Variants in FMN1 observed in about 807,000 individuals in gnomAD.
FMN1 encodes formin 1, also known as formin-1.
Under a neutral mutation model 132.4 loss-of-function variants are expected in FMN1, and 110 were observed. The observed-to-expected ratio is 0.83, with a 90% CI of 0.71 to 0.97. The LOEUF (loss-of-function observed/expected upper bound fraction) is 0.97. FMN1 is among the 50% of genes least tolerant of loss of function. FMN1 has a pLI of 0.00. For synonymous variants in FMN1, 722 were observed against 651.7 expected, an observed-to-expected ratio of 1.11 and a Z score of -1.64; for missense variants, 1,792 against 1,705.3, an observed-to-expected ratio of 1.05 and a Z score of -0.90.
chr15:32,885,997 C>T (rs2059887594), intron 16 of FMN1, among the ~76,000 whole-genome samples: 1 of 152,094 alleles, frequency 6.6e-6, no homozygotes, highest in South Asian at 2.1e-4. Context: ...ATTATGTCCT[C>T]TTCAATTAAA....
chr15:33,095,279 C>T (rs1035978881), intron 4 of FMN1, among the ~76,000 whole-genome samples: 5 of 152,048 alleles, frequency 3.3e-5, no homozygotes, highest in Non-Finnish European at 7.4e-5. Flanking sequence ...ACCCGGGAGG[C>T]AGAGGTTGCA....
Position 33,172,164 on chromosome 15 carries a change from C to T in FMN1, c.-132+8034G>A, listed in dbSNP as rs184176536. ...CGGAGCTTGCAGTGAGCCGAGATCG[C>T]GCCACTGCACTCCAGACTGGGTGGC... On this transcript the variant is annotated intron_variant, in intron 3 of 20. Coordinates refer to ENST00000616417, the MANE Select transcript of FMN1 (RefSeq NM_001277313.2). Among the ~76,000 whole-genome samples the T allele has an allele frequency of 2.0e-3, 301 of 151,280 alleles. 2 individuals are homozygous for T. The highest frequency in any genetic ancestry group is 7.1e-3 in the African/African-American group (290 of 41,128).
chr15:32,968,638 C>G (rs565294192), intron 8 of FMN1, 76 bp downstream of exon 8: 2 of 1,587,040 alleles, frequency 1.3e-6, no homozygotes, highest in African/African-American at 1.3e-5. Context: ...GAGATATTGA[C>G]CCGGTAAGAA....
At chr15:33,165,483 C>T (rs986873511) in intron 3 of FMN1, among the ~76,000 whole-genome samples, 21 of 152,140 alleles carry the variant, frequency 1.4e-4, no homozygotes, top group Non-Finnish European at 2.5e-4. Flanking sequence ...CTCCGCCTCC[C>T]GGGTTCACGC....
At chr15:33,019,009 G>A (rs1596482826) in intron 6 of FMN1, among the ~76,000 whole-genome samples, 3 of 152,166 alleles carry the variant, frequency 2.0e-5, no homozygotes, top group East Asian at 1.9e-4. Flanking sequence ...CAGAGTTAAA[G>A]AACAAAGCTT....
chr15:32,834,326 T>G (rs1474754777), intron 17 of FMN1, among the ~76,000 whole-genome samples: 1 of 152,224 alleles, frequency 6.6e-6, no homozygotes, highest in Non-Finnish European at 1.5e-5. Flanking sequence ...TCTCACATGG[T>G]GTGTGGAACA....
chr15:33,002,545 A>G (rs2034177874), intron 7 of FMN1, among the ~76,000 whole-genome samples: 1 of 152,168 alleles, frequency 6.6e-6, no homozygotes, highest in African/African-American at 2.4e-5. Context: ...AGTATCACCC[A>G]GAGTACAGGG....
intron 11 of FMN1, 23 bp from the exon 12 acceptor site, chr15:32,908,601 A>G (rs1333753413): frequency 2.6e-6 from 3 of 1,143,496 alleles, no homozygotes; most frequent in Non-Finnish European, 2.5e-6. Context: ...AGAAAACAAA[A>G]CCAAAAAAAA....
chr15:32,860,484 T>C (rs747133478), intron 16 of FMN1, among the ~76,000 whole-genome samples: 10 of 151,924 alleles, frequency 6.6e-5, no homozygotes, highest in Non-Finnish European at 1.5e-4. Flanking sequence ...GAAACCCTGT[T>C]TCTACAAAAA....
At chr15:33,070,376 C>G (rs534707349) in intron 5 of FMN1, among the ~76,000 whole-genome samples, 1 of 134,562 alleles carries the variant, frequency 7.4e-6, no homozygotes, top group Non-Finnish European at 1.6e-5. Context: ...GGAGAGGGCA[C>G]GTATTTGGTC....
chr15:32,846,241 T>C lies in FMN1; in HGVS notation c.3928+10774A>G, dbSNP rs547218656. Reference sequence around the variant, plus strand: ...AGAAAAAAGTATTGCTTAATCTAATTAAACTAAACAGCTTCTGCACAACAA... The same window carrying C: ...AGAAAAAAGTATTGCTTAATCTAATCAAACTAAACAGCTTCTGCACAACAA... On this transcript the variant is annotated intron_variant, in intron 17 of 20. Transcript: ENST00000616417. Among the ~76,000 whole-genome samples the C allele has an allele frequency of 1.3e-3, 200 of 152,280 alleles. 1 individual carries two copies. Among genetic ancestry groups the C allele is most frequent in the African/African-American group, 4.6e-3 (190 of 41,556 alleles).
At chr15:32,924,443 T>C (rs543169871) in intron 10 of FMN1, among the ~76,000 whole-genome samples, 2 of 152,326 alleles carry the variant, frequency 1.3e-5, no homozygotes, top group South Asian at 2.1e-4. Context: ...TTAAGTGTCT[T>C]GTAGGTCAGG....
chr15:32,888,365 A>G lies in FMN1; in HGVS notation c.3715-73T>C, dbSNP rs1017013129. 4.5e-5 allele frequency: 61 copies of G among 1,367,934 alleles called. No homozygotes were observed. In the African/African-American group the frequency reaches 5.8e-4, roughly 13 times the overall value. The allele number at this position is 1,367,934 out of a possible 1,614,324, so 84.7% of individuals were successfully genotyped here. A position where few individuals can be genotyped will look rare whatever the true frequency, so the allele number is the denominator to read the frequency against. On this transcript the variant is annotated intron_variant, in intron 15 of 20. Transcript: ENST00000616417. Reference sequence around the variant, plus strand: ...TTTCAGTTGAAATTCCAAAGCATCAATGAGAAAAAAAAAAGCTTTTTTATT... The same window carrying G: ...TTTCAGTTGAAATTCCAAAGCATCAGTGAGAAAAAAAAAAGCTTTTTTATT...
At chr15:32,933,008 T>C (rs978040198) in intron 9 of FMN1, among the ~76,000 whole-genome samples, 2 of 152,188 alleles carry the variant, frequency 1.3e-5, no homozygotes, top group Non-Finnish European at 2.9e-5. Context: ...AAATCCTTAT[T>C]TCATTTCTTT....
chr15:32,841,447 C>T (rs2058743751), intron 17 of FMN1, among the ~76,000 whole-genome samples: 1 of 152,074 alleles, frequency 6.6e-6, no homozygotes, highest in Admixed American at 6.5e-5. Context: ...GGGAACATAA[C>T]ATTGGTAGAT....
intron 7 of FMN1, among the ~76,000 whole-genome samples, chr15:32,973,622 T>C (rs1340989018): frequency 1.3e-5 from 2 of 150,954 alleles, no homozygotes; most frequent in Admixed American, 1.3e-4. Context: ...TGTTTCATAA[T>C]CTCTCTTGAT....
chr15:32,886,418 G>C (rs187509711), intron 16 of FMN1, among the ~76,000 whole-genome samples: 9 of 152,290 alleles, frequency 5.9e-5, no homozygotes, highest in Admixed American at 1.3e-4. Flanking sequence ...ATCGGCTGAG[G>C]AAAGTGTCAG....
intron 17 of FMN1, among the ~76,000 whole-genome samples, chr15:32,822,961 G>A (rs2058258596): frequency 6.6e-6 from 1 of 152,040 alleles, no homozygotes; most frequent in Non-Finnish European, 1.5e-5. Context: ...TGCTAGTTGA[G>A]TCTCACCATT....
At chr15:32,911,449 G>A (rs2060560389) in intron 10 of FMN1, among the ~76,000 whole-genome samples, 1 of 152,082 alleles carries the variant, frequency 6.6e-6, no homozygotes, top group South Asian at 2.1e-4. Flanking sequence ...GTGATACTTA[G>A]AATGCCTTAA....
Sources: allele counts gnomAD v4.1 joint callset (sites outside exome capture counted in the v4.1 genomes callset), GRCh38; gene constraint gnomAD v4.1.1; transcripts MANE v1.5; gene names NCBI Gene and HGNC (gene_info 2026-07-23, HGNC 2026-07-21).